The following ZIM2 variants were observed in gnomAD, a reference collection of about 807,000 sequenced individuals.
ZIM2 encodes zinc finger protein 656.
Under a neutral mutation model 38.6 loss-of-function variants are expected in ZIM2, and 14 were observed. The ratio of observed to expected loss-of-function variants is 0.36; its 90% CI spans 0.24 to 0.57. The LOEUF (loss-of-function observed/expected upper bound fraction) is 0.57, where lower values mean the gene tolerates loss of function less well. Ranked by LOEUF, ZIM2 falls within the 20% of genes least tolerant of loss-of-function variation. The pLI is 0.81. For synonymous variants in ZIM2, 247 were observed against 245.8 expected (o/e 1.00, Z -0.04); for missense variants, 680 against 695.1 (o/e 0.98, Z 0.24).
chr19:56,807,251 A>C (rs1240548661), intron 9 of ZIM2, among the ~76,000 whole-genome samples: 1 of 152,214 alleles, frequency 6.6e-6, no homozygotes, highest in Non-Finnish European at 1.5e-5. Flanking sequence ...TTTCCCAGTG[A>C]TCCCTGAAGA....
chr19:56,791,671 G>C (rs1224974262), intron 9 of ZIM2, among the ~76,000 whole-genome samples: 6 of 152,166 alleles, frequency 3.9e-5, no homozygotes, highest in Admixed American at 2.0e-4. Flanking sequence ...AGATAAGTAT[G>C]CCCTGAGGTC....
chr19:56,833,352 C>G, intron 2 of ZIM2: 2 of 368,400 alleles, frequency 5.4e-6, no homozygotes, highest in South Asian at 4.1e-5. Context: ...TTACTCTCTT[C>G]GTCTCCCAGG....
At chr19:56,800,121 G>A (rs1234819907) in intron 9 of ZIM2, among the ~76,000 whole-genome samples, 6 of 151,938 alleles carry the variant, frequency 3.9e-5, no homozygotes, top group Non-Finnish European at 5.9e-5. Flanking sequence ...TTACACAGGT[G>A]TACATATTTT....
At chr19:56,840,092 G>A (rs1217146731) in intron 1 of ZIM2, among the ~76,000 whole-genome samples, 1 of 152,218 alleles carries the variant, frequency 6.6e-6, no homozygotes, top group African/African-American at 2.4e-5. Flanking sequence ...CCGCAGGAAG[G>A]GGCATTTTCG....
chr19:56,810,101 T>C (rs2048010102), intron 9 of ZIM2: 15 of 916,850 alleles, frequency 1.6e-5, no homozygotes, highest in African/African-American at 1.8e-5. Flanking sequence ...AACTTTATTT[T>C]TATTGTTGAC....
chr19:56,816,890 C>A, intron 9 of ZIM2: 3 of 1,614,166 alleles, frequency 1.9e-6, no homozygotes, highest in South Asian at 1.1e-5. Flanking sequence ...GCCAAGGCGG[C>A]ACTCTTATTG....
Position 56,823,779 on chromosome 19 carries a change from G to A in ZIM2, c.17-100C>T, listed in dbSNP as rs2060740344. On this transcript the variant is annotated intron_variant, in intron 4 of 12. Coordinates refer to ENST00000629319, the MANE Select transcript of ZIM2 (RefSeq NM_001387356.1). ...GCATCTCCCTGTCACAGACACACATGGTTGGAATGACCTGATCCTGACATT... is the reference window on the plus strand; with the variant it reads ...GCATCTCCCTGTCACAGACACACATAGTTGGAATGACCTGATCCTGACATT... The A allele has an allele frequency of 3.7e-6, 5 of 1,355,408 alleles. No homozygotes were observed. In the East Asian group the frequency reaches 9.2e-5, roughly 25 times the overall value. 84.0% of individuals were successfully genotyped at this position (1,355,408 alleles called of 1,614,324 possible). A position where few individuals can be genotyped will look rare whatever the true frequency, so the allele number is the denominator to read the frequency against.
chr19:56,776,055 C>T (rs770879571), intron 12 of ZIM2, among the ~76,000 whole-genome samples: 23 of 144,720 alleles, frequency 1.6e-4, no homozygotes, highest in Non-Finnish European at 3.1e-4. Context: ...GAGCAGAGAT[C>T]GCACCACTGC....
chr19:56,780,296 G>T (rs2046263017), intron 11 of ZIM2, among the ~76,000 whole-genome samples: 1 of 144,638 alleles, frequency 6.9e-6, no homozygotes, highest in Non-Finnish European at 1.5e-5. Context: ...AGGCTAGAGT[G>T]CAGTGGCACG....
chr19:56,824,435 C>G lies in ZIM2; in HGVS notation c.-150-8G>C, dbSNP rs759746585. 1.2e-6 allele frequency: 2 copies of G among 1,614,114 alleles called. No homozygotes were observed. Among genetic ancestry groups the G allele is most frequent in the Non-Finnish European group, 1.7e-6 (2 of 1,180,026 alleles). Reference sequence around the variant, plus strand: ...CTTGGTGCGGGTCTCCGGCTGCAACCAATCGAGGCAGAGGTTTCGGAGTTT... The same window carrying G: ...CTTGGTGCGGGTCTCCGGCTGCAACGAATCGAGGCAGAGGTTTCGGAGTTT... On this transcript the variant is annotated splice_region_variant and splice_polypyrimidine_tract_variant and intron_variant, in intron 3 of 12. Transcript: ENST00000629319.
chr19:56,816,628 CCGCGCT>C (rs759180539), intron 9 of ZIM2: 2 of 1,612,590 alleles, frequency 1.2e-6, no homozygotes, highest in African/African-American at 2.7e-5. Context: ...AAAGGTTTCC[CCGCGCT>C]CACGTTCACG....
At chr19:56,782,229 C>G (rs34246359) in intron 10 of ZIM2, 108 bp from the exon 11 acceptor site, 3 of 1,419,964 alleles carry the variant, frequency 2.1e-6, no homozygotes, top group Non-Finnish European at 2.9e-6. Flanking sequence ...CCACAGGCAC[C>G]TGGCATTGCA....
Position 56,821,711 on chromosome 19 carries a change from T to C in ZIM2, c.234A>G (p.Thr78=). The change falls in exon 7 of 13, where the codon ACA becomes ACG. Residue 78 remains threonine (T), a synonymous_variant. Transcript: ENST00000629319. ...RDLSLPVVAK[T]SFEMDREDDR... ...CGTCCTCTCTGTCCATTTCAAAGCTTGTTTTCGCCACCACAGGAAGGGAAA... is the reference window on the plus strand; with the variant it reads ...CGTCCTCTCTGTCCATTTCAAAGCTCGTTTTCGCCACCACAGGAAGGGAAA... 1 of 1,613,974 alleles carries C rather than the reference T, an allele frequency of 6.2e-7. No homozygotes were observed. The highest frequency in any genetic ancestry group is 8.5e-7 in the Non-Finnish European group (1 of 1,180,010).
At chr19:56,819,897 A>T (rs1157846229) in intron 7 of ZIM2, among the ~76,000 whole-genome samples, 1 of 152,220 alleles carries the variant, frequency 6.6e-6, no homozygotes, top group Admixed American at 6.5e-5. Flanking sequence ...ACAAAGAGGT[A>T]CGGGTATCTG....
chr19:56,774,882 T>G lies in ZIM2; in HGVS notation c.1483A>C (p.Arg495=), dbSNP rs1423311797. The change falls in exon 13 of 13, where the codon AGA becomes CGA. Residue 495 remains arginine, a synonymous_variant. Coordinates refer to ENST00000629319, the MANE Select transcript of ZIM2 (RefSeq NM_001387356.1). ...YQRKHDYVGE[R]ACQCCDCGRV... ...CCACAGTCACAACACTGGCAGGCTC[T>G]CTCTCCAACGTAGTCATGTTTCCGC... 5 of 1,614,090 alleles carry G rather than the reference T, an allele frequency of 3.1e-6. No homozygotes were observed. In the Admixed American group the frequency reaches 8.3e-5, roughly 27 times the overall value.
chr19:56,818,779 G>T, intron 7 of ZIM2, 77 bp from the exon 8 acceptor site: 1 of 1,511,572 alleles, frequency 6.6e-7, no homozygotes, highest in Non-Finnish European at 9.2e-7. Flanking sequence ...TTGGCAACAT[G>T]GGAGTTACAT....
chr19:56,798,978 G>A (rs886311925), intron 9 of ZIM2: 3 of 152,132 alleles, frequency 2.0e-5, no homozygotes, highest in Non-Finnish European at 2.9e-5. Flanking sequence ...TGATAGCAAG[G>A]TTGTGAAGAA....
chr19:56,790,028 A>C, intron 9 of ZIM2, 77 bp from the exon 10 acceptor site: 126 of 1,231,246 alleles, frequency 1.0e-4, no homozygotes, highest in Middle Eastern at 2.1e-4. Context: ...AGCCACCCTC[A>C]TGCCACCCTG....
chr19:56,807,790 CA>C (rs34097958), intron 9 of ZIM2, among the ~76,000 whole-genome samples: 131 of 138,604 alleles, frequency 9.5e-4, no homozygotes, highest in Admixed American at 9.3e-4. Context: ...GACCTTGTCT[CA>C]AAAAAAAAAA....
Sources: gnomAD v4.1 joint callset for allele counts (sites outside exome capture counted in the v4.1 genomes callset) on GRCh38, gnomAD v4.1.1 for gene constraint, MANE v1.5 for transcripts, NCBI Gene and HGNC (gene_info 2026-07-23, HGNC 2026-07-21) for gene names.